Variants in MALRD1 observed in about 807,000 individuals in gnomAD.
MALRD1 encodes MAM and LDL receptor class A domain containing 1, also known as MAM and LDL-receptor class A domain-containing protein 1.
Under a neutral mutation model 242.1 loss-of-function variants are expected in MALRD1, and 247 were observed. The ratio of observed to expected loss-of-function variants is 1.02; its 90% confidence interval spans 0.92 to 1.13. MALRD1 has a LOEUF of 1.13. MALRD1 is among the 50% of genes most tolerant of loss of function. MALRD1 has a pLI of 0.00. For synonymous variants in MALRD1, 995 were observed against 866.6 expected, an observed-to-expected ratio of 1.15 and a Z score of -2.60; for missense variants, 2,989 against 2,533.1, an observed-to-expected ratio of 1.18 and a Z score of -3.86.
At chr10:19,073,325 T>C (rs1315598498) in intron 2 of MALRD1, among the ~76,000 whole-genome samples, 2 of 152,164 alleles carry the variant, frequency 1.3e-5, no homozygotes, top group Admixed American at 1.3e-4. Context: ...ATGCTGATTA[T>C]TATTGTTAAT....
chr10:19,080,629 A>G (rs1015730033), intron 2 of MALRD1, among the ~76,000 whole-genome samples: 4 of 152,076 alleles, frequency 2.6e-5, no homozygotes, highest in Admixed American at 2.0e-4. Context: ...AAGATGGACT[A>G]AAGACTTACA....
intron 14 of MALRD1, among the ~76,000 whole-genome samples, chr10:19,179,023 G>A (rs1835382654): frequency 6.6e-6 from 1 of 152,172 alleles, no homozygotes; most frequent in African/African-American, 2.4e-5. Context: ...GAATGAAAAC[G>A]TCCTGCTAAC....
At chr10:19,192,917 G>A (rs890949304) in intron 14 of MALRD1, among the ~76,000 whole-genome samples, 3 of 149,288 alleles carry the variant, frequency 2.0e-5, no homozygotes, top group Non-Finnish European at 4.5e-5. Flanking sequence ...ATTCTTTGAA[G>A]GTGATTTATG....
intron 4 of MALRD1, among the ~76,000 whole-genome samples, chr10:19,088,744 AC>A (rs1442596328): frequency 1.6e-5 from 1 of 61,350 alleles, no homozygotes; most frequent in Non-Finnish European, 3.1e-5. Flanking sequence ...CCCTCCCCCA[AC>A]CCCACCACAG....
rs138047897 is a variant in MALRD1, at chr10:19,198,718, T to C, written c.1952-5010T>C. 8.5e-3 allele frequency among the ~76,000 whole-genome samples: 1,298 copies of C among 152,318 alleles called. 14 individuals are homozygous for C. Among genetic ancestry groups the C allele is most frequent in the African/African-American group, 0.03 (1,230 of 41,568 alleles). On this transcript the variant is annotated intron_variant, in intron 14 of 39. Transcript: ENST00000454679. ...CCTTTAAGCCATGGGTAGAATAGTG[T>C]AATTAATTATTCTTATTCCAAAGAC...
At chr10:19,350,918 T>C (rs1844346369) in intron 25 of MALRD1, among the ~76,000 whole-genome samples, 1 of 152,168 alleles carries the variant, frequency 6.6e-6, no homozygotes, top group Non-Finnish European at 1.5e-5. Flanking sequence ...TACCCAAGTT[T>C]CACCGGTACC....
At chr10:19,439,584 G>A (rs2496088) in intron 28 of MALRD1, among the ~76,000 whole-genome samples, 118,636 of 151,714 alleles carry the variant, frequency 0.78, 46,930 homozygotes, top group African/African-American at 0.9. Flanking sequence ...AATAAAACCG[G>A]TGCAGGAACA....
At chr10:19,268,398 G>T (rs2131839621) in intron 19 of MALRD1, among the ~76,000 whole-genome samples, 1 of 152,156 alleles carries the variant, frequency 6.6e-6, no homozygotes, top group South Asian at 2.1e-4. Flanking sequence ...ACTAAACATA[G>T]TTCTTTCAGC....
intron 29 of MALRD1, among the ~76,000 whole-genome samples, chr10:19,463,335 C>T (rs1836039093): frequency 6.7e-6 from 1 of 150,344 alleles, no homozygotes; most frequent in Non-Finnish European, 1.5e-5. Context: ...CACCTCCCAC[C>T]CTTTCCCGAG....
At chr10:19,692,419 C>T (rs1833119171) in intron 37 of MALRD1, 39 bp from the exon 38 acceptor site, 1 of 1,530,460 alleles carries the variant, frequency 6.5e-7, no homozygotes, top group African/African-American at 1.4e-5. Flanking sequence ...TAATATATTT[C>T]ACTGCATATT....
At chr10:19,154,301 A>G (rs1411775394) in intron 11 of MALRD1, among the ~76,000 whole-genome samples, 1 of 152,196 alleles carries the variant, frequency 6.6e-6, no homozygotes, top group African/African-American at 2.4e-5. Context: ...CTTTGTGTGC[A>G]GTCGGCATTG....
intron 38 of MALRD1, chr10:19,721,528 A>G (rs377080844): frequency 6.6e-6 from 1 of 152,154 alleles, no homozygotes; most frequent in East Asian, 1.9e-4. Context: ...ATTCATTTTT[A>G]TGGTTAGGAA....
At chr10:19,581,478 T>A (rs1203160781) in intron 33 of MALRD1, among the ~76,000 whole-genome samples, 4 of 151,398 alleles carry the variant, frequency 2.6e-5, no homozygotes, top group Non-Finnish European at 5.9e-5. Flanking sequence ...TGTTTGGTAT[T>A]TTGTTCTTGT....
At chr10:19,112,152 T>A (rs1170891501) in intron 5 of MALRD1, among the ~76,000 whole-genome samples, 1 of 40,344 alleles carries the variant, frequency 2.5e-5, no homozygotes, top group Admixed American at 3.2e-4. Context: ...TTCTCAGGAT[T>A]TTTTTTTTTT....
intron 32 of MALRD1, among the ~76,000 whole-genome samples, chr10:19,554,214 T>A (rs1835613682): frequency 6.6e-6 from 1 of 152,116 alleles, no homozygotes; most frequent in Admixed American, 6.6e-5. Flanking sequence ...TGGCTCACAG[T>A]TCTGTAGGTT....
chr10:19,451,329 A>G (rs1378790455), intron 29 of MALRD1, among the ~76,000 whole-genome samples: 2 of 151,952 alleles, frequency 1.3e-5, no homozygotes, highest in African/African-American at 4.8e-5. Flanking sequence ...TAAAGATGCT[A>G]CTCCAGCCTG....
intron 18 of MALRD1, among the ~76,000 whole-genome samples, chr10:19,216,608 T>C (rs1837324727): frequency 6.6e-6 from 1 of 152,114 alleles, no homozygotes; most frequent in Non-Finnish European, 1.5e-5. Flanking sequence ...TAAATACAAA[T>C]AATATTTATT....
intron 19 of MALRD1, among the ~76,000 whole-genome samples, chr10:19,271,460 A>G (rs1840237577): frequency 1.3e-5 from 2 of 152,174 alleles, no homozygotes; most frequent in Non-Finnish European, 1.5e-5. Context: ...TTCTGTCACT[A>G]TTATTAGAAT....
chr10:19,467,513 T>G, intron 29 of MALRD1, among the ~76,000 whole-genome samples: 1 of 151,802 alleles, frequency 6.6e-6, no homozygotes, highest in Admixed American at 6.6e-5. Context: ...TTAAATGCCT[T>G]GTTTCCAAAT....
Sources: allele counts gnomAD v4.1 joint callset (sites outside exome capture counted in the v4.1 genomes callset), GRCh38; gene constraint gnomAD v4.1.1; transcripts MANE v1.5; gene names NCBI Gene and HGNC (gene_info 2026-07-23, HGNC 2026-07-21).